Variants in MYT1 observed in about 807,000 individuals in gnomAD.
MYT1 encodes myelin transcription factor 1, also known as myelin transcription factor I.
A neutral mutation model predicts 123.0 loss-of-function variants in MYT1; 23 were observed. The ratio of observed to expected loss-of-function variants is 0.19; its 90% CI spans 0.13 to 0.26. The LOEUF (loss-of-function observed/expected upper bound fraction) is 0.26. Among genes scored for constraint, MYT1 ranks in the 10% least tolerant of loss-of-function variants. The pLI is 1.00. For missense variants in MYT1, 1,125 were observed against 1,472.5 expected, an observed-to-expected ratio of 0.76 and a Z score of 3.86; for synonymous variants, 518 against 575.3, an observed-to-expected ratio of 0.90 and a Z score of 1.43.
chr20:64,230,677 G>A (rs1253375071), intron 18 of MYT1, among the ~76,000 whole-genome samples: 1 of 152,236 alleles, frequency 6.6e-6, no homozygotes, highest in Non-Finnish European at 1.5e-5. Flanking sequence ...ATCAGAGGGG[G>A]GCTGGACATT....
chr20:64,187,374 G>T (rs182324330), intron 1 of MYT1, among the ~76,000 whole-genome samples: 1 of 149,378 alleles, frequency 6.7e-6, no homozygotes, highest in Non-Finnish European at 1.5e-5. Context: ...CCACGTTTCC[G>T]TGGAGAGTTT....
intron 16 of MYT1, among the ~76,000 whole-genome samples, 164 bp from the exon 17 acceptor site, chr20:64,227,251 G>A (rs1057452864): frequency 1.3e-5 from 2 of 152,246 alleles, no homozygotes; most frequent in South Asian, 2.1e-4. Flanking sequence ...GCTGGCAGTC[G>A]GCAGCCGGGG....
Position 64,207,979 on chromosome 20 carries a change from C to CGAGGAGGAG in MYT1, c.795_803dup (p.Glu271_Glu273dup). On this transcript the variant is annotated inframe_insertion, in exon 7 of 23. Transcript: ENST00000328439. ...GCATCCTGAGTCACGAAGAGGAGGACGAGGAGGAGGAGGAGGAGGAAGAGG... is the reference window on the plus strand; with the variant it reads ...GCATCCTGAGTCACGAAGAGGAGGACGAGGAGGAGGAGGAGGAGGAGGAGGAGGAAGAGG... The CGAGGAGGAG allele has an allele frequency of 3.8e-6, 6 of 1,569,118 alleles. No homozygotes were observed. In the South Asian group the frequency reaches 5.8e-5, roughly 15 times the overall value.
intron 2 of MYT1, among the ~76,000 whole-genome samples, chr20:64,195,253 G>A (rs572346356): frequency 3.3e-5 from 5 of 152,150 alleles, no homozygotes; most frequent in East Asian, 1.9e-4. Context: ...TTTGGTTCCT[G>A]AGTTTGTAAA....
intron 1 of MYT1, among the ~76,000 whole-genome samples, chr20:64,184,254 G>A (rs78917900): frequency 0.068 from 10,278 of 152,002 alleles, 731 homozygotes; most frequent in African/African-American, 0.18. Flanking sequence ...AAGATTTACC[G>A]CGGTGTTTTC....
intron 16 of MYT1, among the ~76,000 whole-genome samples, chr20:64,225,428 T>A (rs898012244): frequency 6.6e-6 from 1 of 152,202 alleles, no homozygotes; most frequent in Non-Finnish European, 1.5e-5. Context: ...TTCCCTCCCA[T>A]GTGTCTGATG....
At chr20:64,199,770 G>T in intron 3 of MYT1, 122 bp from the exon 4 acceptor site, 1 of 1,154,402 alleles carries the variant, frequency 8.7e-7, no homozygotes, top group East Asian at 2.3e-5. Context: ...GTCTCACTGA[G>T]ATTTGCCTCC....
In MYT1 at chr20:64,203,094, G is replaced by A. The variant is rs534459762; in HGVS notation, c.87-1941G>A. On this transcript the variant is annotated intron_variant, in intron 4 of 22. Coordinates refer to ENST00000328439, the MANE Select transcript of MYT1 (RefSeq NM_004535.3). This position sits in a 1 kb window ranked among gnomAD's most constrained non-coding sequence, Gnocchi z 5.1. ...AAGGGGTTTCCAGCTTCCTGTCCCCGAGCGGCCTTGTCCGCTCCACGCACT... is the reference window on the plus strand; with the variant it reads ...AAGGGGTTTCCAGCTTCCTGTCCCCAAGCGGCCTTGTCCGCTCCACGCACT... Among the ~76,000 whole-genome samples, 12 of 152,300 alleles carry A rather than the reference G, an allele frequency of 7.9e-5. No homozygotes were observed. Among genetic ancestry groups the A allele is most frequent in the South Asian group, 2.1e-4 (1 of 4,826 alleles).
At position 64,192,145 on chromosome 20, in the gene MYT1, C is replaced by G. The variant is rs544112894; in HGVS notation, c.-1+1985C>G. Among the ~76,000 whole-genome samples, 3 of 152,252 alleles carry G rather than the reference C, an allele frequency of 2.0e-5. No individual in the cohort carries two copies. Among genetic ancestry groups the G allele is most frequent in the Non-Finnish European group, 4.4e-5 (3 of 68,046 alleles). On this transcript the variant is annotated intron_variant, in intron 2 of 22. Transcript: ENST00000328439. The surrounding 1 kb of genome is among the most constrained non-coding windows in gnomAD (Gnocchi z 5.3). Reference sequence around the variant, plus strand: ...CCCATGGCTGTTCAAAGTGCTGCTTCTGTGAACAAAGCCAGGGACCCGTGC... The same window carrying G: ...CCCATGGCTGTTCAAAGTGCTGCTTGTGTGAACAAAGCCAGGGACCCGTGC...
intron 1 of MYT1, among the ~76,000 whole-genome samples, chr20:64,171,420 T>C (rs1982275699): frequency 6.6e-6 from 1 of 152,216 alleles, no homozygotes; most frequent in Non-Finnish European, 1.5e-5. Context: ...GTTCCAGGAC[T>C]CTGGGCCCTG....
Position 64,219,701 on chromosome 20 carries a change from T to C in MYT1, c.1972-12T>C, listed in dbSNP as rs376478026. The C allele has an allele frequency of 2.6e-5, 42 of 1,603,002 alleles. No individual in the cohort carries two copies. Among genetic ancestry groups the C allele is most frequent in the Non-Finnish European group, 3.4e-5 (40 of 1,172,700 alleles). Reference sequence around the variant, plus strand: ...ATGGAATCGCTAACAGATCTCACCTTTGCCATTGCAGTCTGTGGATATCGA... The same window carrying C: ...ATGGAATCGCTAACAGATCTCACCTCTGCCATTGCAGTCTGTGGATATCGA... On this transcript the variant is annotated splice_polypyrimidine_tract_variant and intron_variant, in intron 12 of 22. Transcript: ENST00000328439.
At chr20:64,204,463 G>T (rs1207683692) in intron 4 of MYT1, among the ~76,000 whole-genome samples, 1 of 152,210 alleles carries the variant, frequency 6.6e-6, no homozygotes, top group Non-Finnish European at 1.5e-5. Flanking sequence ...CTGCGTGGAA[G>T]CTGGGACCCA....
intron 20 of MYT1, among the ~76,000 whole-genome samples, 181 bp from the exon 21 acceptor site, chr20:64,237,106 C>T (rs1984574854): frequency 6.6e-6 from 1 of 152,220 alleles, no homozygotes; most frequent in Non-Finnish European, 1.5e-5. Flanking sequence ...ATTTTCAAGA[C>T]AGATTTCTCC....
chr20:64,232,589 G>T lies in MYT1; in HGVS notation c.2897+204G>T, dbSNP rs1021311701. 6.6e-6 allele frequency among the ~76,000 whole-genome samples: 1 copy of T among 152,120 alleles called. No homozygotes were observed. The highest frequency in any genetic ancestry group is 1.5e-5 in the Non-Finnish European group (1 of 67,998). On this transcript the variant is annotated intron_variant, in intron 19 of 22. Transcript: ENST00000328439. The surrounding 1 kb of genome is among the most constrained non-coding windows in gnomAD (Gnocchi z 6.9). The stretch of plus-strand genomic sequence containing the variant: ...AGGTGATGCTGTGGGTTATGTCTTC[G>T]CCATGCGTCTCCCCTCATACGCCAC...
In MYT1 at chr20:64,232,501, C is replaced by T; in HGVS notation, c.2897+116C>T. The stretch of plus-strand genomic sequence containing the variant: ...CCAGGGCTCCGTGTGACCAGAGTTG[C>T]TCAAGGGAAAGGCCAGGCCACATGG... On this transcript the variant is annotated intron_variant, in intron 19 of 22. Coordinates refer to ENST00000328439, the MANE Select transcript of MYT1 (RefSeq NM_004535.3). This position sits in a 1 kb window ranked among gnomAD's most constrained non-coding sequence, Gnocchi z 6.9. 3.7e-6 allele frequency: 4 copies of T among 1,067,138 alleles called. No individual in the cohort carries two copies. Among genetic ancestry groups the T allele is most frequent in the Non-Finnish European group, 5.5e-6 (4 of 726,786 alleles). 66.1% of individuals were successfully genotyped at this position (1,067,138 alleles called of 1,614,324 possible). A position where few individuals can be genotyped will look rare whatever the true frequency, so the allele number is the denominator to read the frequency against.
Position 64,227,958 on chromosome 20 carries a change from C to T in MYT1, c.2662C>T (p.Pro888Ser). The part of the protein sequence containing the change: ...VAPTKDDKED[P>S]ELMKCPVPGC... Reference sequence around the variant, plus strand: ...ACCCACCAAGGACGACAAGGAGGACCCCGAGCTGATGAAGTACGTTGGGCC... The same window carrying T: ...ACCCACCAAGGACGACAAGGAGGACTCCGAGCTGATGAAGTACGTTGGGCC... The change falls in exon 18 of 23, where the codon CCC becomes TCC. Residue 888 changes from proline (P) to serine (S), a missense_variant. Physicochemically the swap from Pro to Ser is moderately conservative, Grantham distance 74. Around this residue, in one of 4 missense-constraint regions of MYT1, gnomAD observed 243 missense variants for 323.1 expected, o/e 0.75. Transcript: ENST00000328439. 2 of 1,614,038 alleles carry T rather than the reference C, an allele frequency of 1.2e-6. No homozygotes were observed. The highest frequency in any genetic ancestry group is 1.7e-6 in the Non-Finnish European group (2 of 1,179,974).
chr20:64,178,846 C>A (rs113259556), intron 1 of MYT1, among the ~76,000 whole-genome samples: 1 of 124,662 alleles, frequency 8.0e-6, no homozygotes, highest in African/African-American at 3.2e-5. Flanking sequence ...AGCACTGAGC[C>A]GTTATTCGGT....
At chr20:64,169,240 A>G (rs1245697643) in intron 1 of MYT1, among the ~76,000 whole-genome samples, 2 of 152,130 alleles carry the variant, frequency 1.3e-5, no homozygotes, top group African/African-American at 4.8e-5. Flanking sequence ...AGAAGGCCCT[A>G]GAAGGTCCCT....
chr20:64,234,243 G>T (rs1034862414), intron 19 of MYT1, among the ~76,000 whole-genome samples: 4 of 152,156 alleles, frequency 2.6e-5, no homozygotes, highest in Non-Finnish European at 5.9e-5. Context: ...AGTGATCTGT[G>T]ACTGTCATTA....
Sources: gnomAD v4.1 joint callset for allele counts (sites outside exome capture counted in the v4.1 genomes callset) on GRCh38, gnomAD v4.1.1 for gene constraint, gnomAD v4.1.1 regional missense constraint, Gnocchi (gnomAD v3.1) non-coding constraint, MANE v1.5 for transcripts, NCBI Gene and HGNC (gene_info 2026-07-23, HGNC 2026-07-21) for gene names.